Variants in SLCO2A1 observed in about 807,000 individuals in gnomAD.
SLCO2A1 encodes matrin F/G 1.
Under a neutral mutation model 71.7 loss-of-function variants are expected in SLCO2A1, and 60 were observed. That is an observed-to-expected ratio of 0.84 (90% CI 0.68 to 1.04). The LOEUF is 1.04. Ranked by LOEUF, SLCO2A1 falls within the 50% of genes least tolerant of loss-of-function variation. The probability of loss-of-function intolerance (pLI) is 0.00; values close to 1 mark genes in which losing one functional copy is unlikely to be tolerated. For synonymous variants in SLCO2A1, 308 were observed against 326.7 expected (o/e 0.94, Z 0.62); for missense variants, 745 against 813.4 (o/e 0.92, Z 1.02).
intron 1 of SLCO2A1, among the ~76,000 whole-genome samples, chr3:134,007,531 G>T (rs907393373): frequency 2.0e-5 from 3 of 152,168 alleles, no homozygotes; most frequent in Admixed American, 6.5e-5. Context: ...CATATGGATG[G>T]CATAAATTCT....
At chr3:134,016,416 A>G (rs1935456747) in intron 1 of SLCO2A1, among the ~76,000 whole-genome samples, 1 of 152,250 alleles carries the variant, frequency 6.6e-6, no homozygotes. Context: ...CAAACAGTAA[A>G]TAAACACATG....
Position 133,973,828 on chromosome 3 carries a change from G to A in SLCO2A1, c.235-3C>T, listed in dbSNP as rs1934390067. The A allele has an allele frequency of 1.9e-6, 3 of 1,611,850 alleles. No homozygotes were observed. Among genetic ancestry groups the A allele is most frequent in the Non-Finnish European group, 2.5e-6 (3 of 1,179,178 alleles). ...ATGATGAGGATGGCATTGCTGATCT[G>A]AGAAGAGAGCAGAAGGGCTGAGTGA... is the stretch of plus-strand genomic sequence containing the variant. On this transcript the variant is annotated splice_region_variant and splice_polypyrimidine_tract_variant and intron_variant, in intron 2 of 13. Transcript: ENST00000310926.
intron 1 of SLCO2A1, among the ~76,000 whole-genome samples, chr3:133,984,661 G>A (rs543055260): frequency 6.6e-6 from 1 of 152,332 alleles, no homozygotes; most frequent in Non-Finnish European, 1.5e-5. Flanking sequence ...ACACCGTGCA[G>A]ATAAAACACA....
intron 1 of SLCO2A1, among the ~76,000 whole-genome samples, chr3:133,980,236 A>G (rs544079566): frequency 6.6e-6 from 1 of 152,384 alleles, no homozygotes; most frequent in Non-Finnish European, 1.5e-5. Context: ...TACCAGGACT[A>G]TCTTGGCCTC....
At chr3:133,956,369 G>A (rs576278689) in intron 3 of SLCO2A1, among the ~76,000 whole-genome samples, 17 of 152,222 alleles carry the variant, frequency 1.1e-4, no homozygotes, top group African/African-American at 3.4e-4. Flanking sequence ...CTCCCCAGTC[G>A]CACACGCCTC....
chr3:133,962,785 C>A, intron 3 of SLCO2A1, among the ~76,000 whole-genome samples: 1 of 152,208 alleles, frequency 6.6e-6, no homozygotes, highest in East Asian at 1.9e-4. Context: ...TAACTCTGAC[C>A]TTTCCACCAA....
intron 8 of SLCO2A1, among the ~76,000 whole-genome samples, chr3:133,948,303 G>A (rs1474327579): frequency 6.6e-6 from 1 of 152,202 alleles, no homozygotes; most frequent in Non-Finnish European, 1.5e-5. Context: ...GAGGAAGGCA[G>A]CCCCCAGCCT....
chr3:134,010,732 GAC>G (rs1451657043), intron 1 of SLCO2A1, among the ~76,000 whole-genome samples: 1 of 132,060 alleles, frequency 7.6e-6, no homozygotes, highest in African/African-American at 2.9e-5. Flanking sequence ...CCAGCCTGGT[GAC>G]AGAGTGAGAC....
chr3:134,016,744 C>A (rs1208189716), intron 1 of SLCO2A1, among the ~76,000 whole-genome samples: 1 of 152,150 alleles, frequency 6.6e-6, no homozygotes, highest in Non-Finnish European at 1.5e-5. Context: ...TTGTTCATAA[C>A]AGATTTATTT....
intron 1 of SLCO2A1, among the ~76,000 whole-genome samples, chr3:133,982,251 G>T (rs1173046428): frequency 1.3e-5 from 2 of 152,148 alleles, no homozygotes; most frequent in African/African-American, 2.4e-5. Context: ...GACTTCAGAT[G>T]CCTTGCCAGA....
At chr3:133,973,958 C>G in intron 2 of SLCO2A1, 133 bp from the exon 3 acceptor site, 1 of 906,928 alleles carries the variant, frequency 1.1e-6, no homozygotes, top group South Asian at 1.8e-5. Context: ...GGGGCCCAGA[C>G]AGAGTTACAG....
chr3:134,024,926 T>C (rs1346830862), intron 1 of SLCO2A1, among the ~76,000 whole-genome samples: 1 of 151,590 alleles, frequency 6.6e-6, no homozygotes, highest in East Asian at 1.9e-4. Context: ...TGTAGAGGTG[T>C]TGGACTCAGT....
chr3:134,004,005 T>A (rs559519542), intron 1 of SLCO2A1, among the ~76,000 whole-genome samples: 1 of 152,312 alleles, frequency 6.6e-6, no homozygotes, highest in East Asian at 1.9e-4. Context: ...CCTGGGATCA[T>A]CCCTTCCTGA....
intron 3 of SLCO2A1, among the ~76,000 whole-genome samples, chr3:133,969,820 A>G (rs1467270420): frequency 6.6e-6 from 1 of 152,194 alleles, no homozygotes; most frequent in East Asian, 1.9e-4. Flanking sequence ...TAGGATTCAA[A>G]TGTTAAAGTC....
intron 1 of SLCO2A1, among the ~76,000 whole-genome samples, chr3:134,012,560 A>G (rs1935365236): frequency 6.6e-6 from 1 of 152,244 alleles, no homozygotes; most frequent in African/African-American, 2.4e-5. Flanking sequence ...GCCAGGAAGC[A>G]CCATCTTTCA....
At chr3:134,024,859 C>T (rs1935666169) in intron 1 of SLCO2A1, among the ~76,000 whole-genome samples, 1 of 152,178 alleles carries the variant, frequency 6.6e-6, no homozygotes, top group African/African-American at 2.4e-5. Flanking sequence ...AAGTTTGCAA[C>T]ACCCTAAACC....
chr3:133,943,838 G>A (rs1933494431), intron 10 of SLCO2A1, among the ~76,000 whole-genome samples: 1 of 152,234 alleles, frequency 6.6e-6, no homozygotes. Flanking sequence ...AGAGGTGGCA[G>A]TGGCAGCAGC....
intron 1 of SLCO2A1, among the ~76,000 whole-genome samples, chr3:134,011,703 T>A (rs1413083277): frequency 2.0e-5 from 3 of 152,060 alleles, no homozygotes; most frequent in Non-Finnish European, 4.4e-5. Flanking sequence ...GTGTGAGGGG[T>A]CTCTGTTAGC....
chr3:133,949,571 A>G (rs1298405856), intron 6 of SLCO2A1, among the ~76,000 whole-genome samples: 2 of 152,058 alleles, frequency 1.3e-5, no homozygotes, highest in African/African-American at 4.8e-5. Context: ...GCTCTGAACT[A>G]CCTTTCAGAT....
Sources: gnomAD v4.1 joint callset for allele counts (sites outside exome capture counted in the v4.1 genomes callset) on GRCh38, gnomAD v4.1.1 for gene constraint, MANE v1.5 for transcripts, NCBI Gene and HGNC (gene_info 2026-07-23, HGNC 2026-07-21) for gene names.